The following RAF1 variants were observed in gnomAD, a reference collection of about 807,000 sequenced individuals.
RAF1 encodes the protein Raf-1 proto-oncogene, serine/threonine kinase.
A neutral mutation model predicts 81.1 loss-of-function variants in RAF1; 27 were observed. That is an observed-to-expected ratio of 0.33 (90% CI 0.25 to 0.46). The LOEUF (loss-of-function observed/expected upper bound fraction) is 0.46, where lower values mean the gene tolerates loss of function less well. Ranked by LOEUF, RAF1 falls within the 20% of genes least tolerant of loss-of-function variation. The pLI, the probability that RAF1 is intolerant of heterozygous loss-of-function variation, is 1.00. For synonymous variants in RAF1, 298 were observed against 294.0 expected, an observed-to-expected ratio of 1.01 and a Z score of -0.14; for missense variants, 598 against 826.0, an observed-to-expected ratio of 0.72 and a Z score of 3.38.
intron 1 of RAF1, among the ~76,000 whole-genome samples, chr3:12,629,874 C>A (rs753725960): frequency 6.6e-6 from 1 of 152,190 alleles, no homozygotes; most frequent in Non-Finnish European, 1.5e-5. Flanking sequence ...CAGCCTTGAG[C>A]CACGTTCAAG....
At chr3:12,644,703 T>A (rs1163597019) in intron 1 of RAF1, among the ~76,000 whole-genome samples, 2 of 152,220 alleles carry the variant, frequency 1.3e-5, no homozygotes, top group South Asian at 4.1e-4. Flanking sequence ...CATGGACATT[T>A]TTAAGTTTTC....
At chr3:12,613,485 C>T (rs976698215) in intron 2 of RAF1, among the ~76,000 whole-genome samples, 2 of 148,614 alleles carry the variant, frequency 1.3e-5, no homozygotes, top group African/African-American at 2.5e-5. Context: ...TGTGGGTACA[C>T]GGGGAGGGGG....
At chr3:12,614,594 GTT>G (rs71063842) in intron 2 of RAF1, among the ~76,000 whole-genome samples, 2 of 145,706 alleles carry the variant, frequency 1.4e-5, no homozygotes, top group African/African-American at 2.5e-5. Context: ...TCTAGCTAAT[GTT>G]TTTTTTTTTT....
rs1039364939 is a variant in RAF1, at chr3:12,663,985, G to C, written c.-199C>G. ...CGTAGCAAACGCGCTCCGCGCCTCA[G>C]GGCACGCGCCCCAAAGCCCGGCCAG... On this transcript the variant is annotated 5_prime_UTR_variant, in exon 1 of 18. Coordinates refer to ENST00000442415, the MANE Select transcript of RAF1 (RefSeq NM_001354689.3). The C allele has an allele frequency of 1.0e-5, 4 of 398,444 alleles. No homozygotes were observed. The highest frequency in any genetic ancestry group is 4.4e-5 in the Admixed American group (1 of 22,724). The allele number at this position is 398,444 out of a possible 1,614,324, so 24.7% of individuals were successfully genotyped here.
At chr3:12,604,365 CT>C (rs2058961984) in intron 6 of RAF1, 76 bp from the exon 7 acceptor site, 1 of 1,499,210 alleles carries the variant, frequency 6.7e-7, no homozygotes. Flanking sequence ...ACATATTTGA[CT>C]AAGTAAGATG....
At chr3:12,620,907 CAGTTCATTCAGAGTTCA>C (rs2059538048) in intron 1 of RAF1, among the ~76,000 whole-genome samples, 1 of 5,440 alleles carries the variant, frequency 1.8e-4, no homozygotes, top group Non-Finnish European at 2.6e-4. Context: ...GTTCAGAGTT[CAGTTCATTCAGAGTTCA>C]GAGTTCAGTT....
At chr3:12,587,495 C>T in intron 14 of RAF1, 96 bp downstream of exon 13, 1 of 1,152,468 alleles carries the variant, frequency 8.7e-7, no homozygotes, top group South Asian at 1.2e-5. Context: ...AAAAGATATC[C>T]CCTGGCACCG....
chr3:12,619,932 A>C (rs1471959493), intron 1 of RAF1, among the ~76,000 whole-genome samples: 1 of 151,828 alleles, frequency 6.6e-6, no homozygotes, highest in Non-Finnish European at 1.5e-5. Context: ...AATACAAAAA[A>C]TTAGCCAGGC....
intron 1 of RAF1, among the ~76,000 whole-genome samples, chr3:12,626,587 T>C (rs2059709290): frequency 9.9e-6 from 1 of 101,336 alleles, no homozygotes. Context: ...CGAGACCTTG[T>C]CTAAAAAAAA....
chr3:12,637,363 G>A (rs148279103), intron 1 of RAF1, among the ~76,000 whole-genome samples: 8 of 149,836 alleles, frequency 5.3e-5, no homozygotes, highest in Admixed American at 2.7e-4. Flanking sequence ...TTTTTGAGAC[G>A]GAGTTTCGCT....
intron 1 of RAF1, among the ~76,000 whole-genome samples, chr3:12,660,598 GCCA>G (rs1474781903): frequency 1.3e-5 from 2 of 152,104 alleles, no homozygotes; most frequent in Non-Finnish European, 1.5e-5. Context: ...ACAGGCCTGA[GCCA>G]CCACAACTGG....
At chr3:12,595,114 C>A (rs2058645841) in intron 11 of RAF1, among the ~76,000 whole-genome samples, 1 of 152,188 alleles carries the variant, frequency 6.6e-6, no homozygotes, top group Non-Finnish European at 1.5e-5. Context: ...GTCACCGAGG[C>A]TGGAGTGCAG....
At chr3:12,663,753 C>G (rs1466518144) in intron 1 of RAF1, 60 bp downstream of exon 1, 1 of 395,612 alleles carries the variant, frequency 2.5e-6, no homozygotes, top group Non-Finnish European at 4.5e-6. Context: ...CCCTGGAAGC[C>G]GATCCCTCAG....
chr3:12,606,880 G>A (rs967793042), intron 5 of RAF1, among the ~76,000 whole-genome samples: 1 of 152,014 alleles, frequency 6.6e-6, no homozygotes, highest in Non-Finnish European at 1.5e-5. Context: ...TAGCAGAGAC[G>A]GGGTTTCACT....
intron 2 of RAF1, 95 bp from the exon 3 acceptor site, chr3:12,612,157 T>G (rs1313223957): frequency 2.1e-6 from 2 of 943,528 alleles, no homozygotes; most frequent in Non-Finnish European, 3.5e-6. Flanking sequence ...GTATTGCTTG[T>G]GATGGCCCAC....
rs2125322859 is a variant in RAF1 at position 12,585,230 on chromosome 3, C to A, written c.1620G>T (p.Gln540His). 1 of 1,614,140 alleles carries A rather than the reference C, an allele frequency of 6.2e-7. No individual in the cohort carries two copies. The highest frequency in any genetic ancestry group is 8.5e-7 in the Non-Finnish European group (1 of 1,180,028). Residue 540 changes from glutamine to histidine, a missense_variant, in exon 16 of 18, where the codon CAG (glutamine) becomes CAT (histidine). Physicochemically the swap from Gln to His is conservative, Grantham distance 24 (BLOSUM62 0). Around this residue, in one of 5 missense-constraint regions of RAF1, gnomAD observed 147 missense variants for 196.1 expected, o/e 0.75. Transcript: ENST00000442415. ...ACTGGAAACTGAATGGGTTGTTATC[C>A]TGCATTCGGATCACCTCTGGGGCCT...
At chr3:12,597,141 A>G (rs1050596027) in intron 11 of RAF1, among the ~76,000 whole-genome samples, 4 of 151,688 alleles carry the variant, frequency 2.6e-5, no homozygotes, top group Non-Finnish European at 5.9e-5. Flanking sequence ...CTCGTGATCC[A>G]CCCACCTCGG....
chr3:12,633,778 T>C (rs2059933251), intron 1 of RAF1, among the ~76,000 whole-genome samples: 2 of 150,928 alleles, frequency 1.3e-5, no homozygotes, highest in South Asian at 4.2e-4. Flanking sequence ...TACTAAAAAA[T>C]ACAAAAATTA....
chr3:12,592,731 C>CTTTTTTTTTTTTT (rs35189562), intron 11 of RAF1, among the ~76,000 whole-genome samples: 1 of 107,226 alleles, frequency 9.3e-6, no homozygotes, highest in African/African-American at 3.8e-5. Context: ...TTAAAAGCCA[C>CTTTTTTTTTTTTT]TTTTTTTTTT....
Sources: gnomAD v4.1 joint callset for allele counts (sites outside exome capture counted in the v4.1 genomes callset) on GRCh38, gnomAD v4.1.1 for gene constraint, gnomAD v4.1.1 regional missense constraint, MANE v1.5 for transcripts, NCBI Gene and HGNC (gene_info 2026-07-23, HGNC 2026-07-21) for gene names.